PPARD: variants seen among roughly 807,000 people sequenced by gnomAD.
The protein encoded by PPARD is peroxisome proliferator activated receptor delta.
PPARD carries 6 observed loss-of-function variants against 39.5 expected under a neutral mutation model. That is an observed-to-expected ratio of 0.15 (90% CI 0.08 to 0.30). The LOEUF is 0.30. Among genes scored for constraint, PPARD ranks in the 10% least tolerant of loss-of-function variants. The probability of loss-of-function intolerance (pLI) is 1.00; values close to 1 mark genes in which losing one functional copy is unlikely to be tolerated. For synonymous variants in PPARD, 210 were observed against 231.3 expected, an observed-to-expected ratio of 0.91 and a Z score of 0.83; for missense variants, 397 against 596.8, an observed-to-expected ratio of 0.67 and a Z score of 3.49.
chr6:35,391,074 T>C (rs973153095), intron 2 of PPARD, among the ~76,000 whole-genome samples: 1 of 152,166 alleles, frequency 6.6e-6, no homozygotes, highest in African/African-American at 2.4e-5. Context: ...TTATTGTTAT[T>C]ATGGACAAAT....
intron 2 of PPARD, among the ~76,000 whole-genome samples, chr6:35,353,541 T>C (rs1044132102): frequency 6.6e-6 from 1 of 152,156 alleles, no homozygotes; most frequent in Non-Finnish European, 1.5e-5. Flanking sequence ...AAGTTAAGCA[T>C]AAATTATTCA....
chr6:35,398,820 T>C (rs1337567631), intron 2 of PPARD, among the ~76,000 whole-genome samples: 1 of 152,154 alleles, frequency 6.6e-6, no homozygotes, highest in East Asian at 1.9e-4. Flanking sequence ...AGTTTCAAAG[T>C]ACAGTGACAT....
chr6:35,386,502 A>G (rs866587490), intron 2 of PPARD, among the ~76,000 whole-genome samples: 1 of 151,912 alleles, frequency 6.6e-6, no homozygotes, highest in Non-Finnish European at 1.5e-5. Flanking sequence ...AAAACAAACA[A>G]ACAAACAAAT....
chr6:35,361,216 T>G (rs757074298), intron 2 of PPARD, among the ~76,000 whole-genome samples: 1 of 152,140 alleles, frequency 6.6e-6, no homozygotes, highest in Non-Finnish European at 1.5e-5. Flanking sequence ...ACCCTCCACC[T>G]CTGGGGATTA....
intron 2 of PPARD, among the ~76,000 whole-genome samples, chr6:35,406,037 G>A (rs1249697456): frequency 6.6e-6 from 1 of 151,800 alleles, no homozygotes; most frequent in Non-Finnish European, 1.5e-5. Context: ...AGTGATTCTC[G>A]TGCCTCAGCC....
At chr6:35,364,230 G>T (rs1762067709) in intron 2 of PPARD, among the ~76,000 whole-genome samples, 1 of 151,988 alleles carries the variant, frequency 6.6e-6, no homozygotes, top group African/African-American at 2.4e-5. Context: ...TAATAGTACT[G>T]TATTCCTTTT....
chr6:35,396,691 G>T (rs1022285998), intron 2 of PPARD, among the ~76,000 whole-genome samples: 1 of 151,820 alleles, frequency 6.6e-6, no homozygotes, highest in Admixed American at 6.6e-5. Context: ...TTAGCTGGGC[G>T]TGGTAGCATG....
Position 35,345,357 on chromosome 6 carries a change from T to G in PPARD, c.-185-1710T>G, listed in dbSNP as rs193119538. Among the ~76,000 whole-genome samples, 3 of 151,924 alleles carry G rather than the reference T, an allele frequency of 2.0e-5. No homozygotes were observed. The East Asian group carries it at 5.8e-4, about 30-fold the overall frequency. On this transcript the variant is annotated intron_variant, in intron 1 of 7. Coordinates refer to ENST00000360694, the MANE Select transcript of PPARD (RefSeq NM_006238.5). Reference sequence around the variant, plus strand: ...CTGGAGTGCAGTGGTGCTATCATAGTGCACTGTAACCTCGAACTCCTGGGC... The same window carrying G: ...CTGGAGTGCAGTGGTGCTATCATAGGGCACTGTAACCTCGAACTCCTGGGC...
intron 1 of PPARD, among the ~76,000 whole-genome samples, chr6:35,343,957 C>G (rs1582253940): frequency 6.6e-6 from 1 of 151,970 alleles, no homozygotes; most frequent in East Asian, 1.9e-4. Context: ...GGTCCTCAAC[C>G]TTTTTTCTGT....
intron 2 of PPARD, among the ~76,000 whole-genome samples, chr6:35,367,432 C>G (rs965442361): frequency 6.6e-6 from 1 of 152,124 alleles, no homozygotes; most frequent in African/African-American, 2.4e-5. Context: ...TTTCACAGCC[C>G]GTTCACTTCT....
Position 35,375,209 on chromosome 6 carries a change from G to GTTTTT in PPARD, c.-102+28080_-102+28084dup, listed in dbSNP as rs558275286. On this transcript the variant is annotated intron_variant, in intron 2 of 7. Transcript: ENST00000360694. ...TTTTTGCCTATTTTTCTCCTTCCGA[G>GTTTTT]TTTTTTTTTTTTTTTTTTTTTTTTT... is the stretch of plus-strand genomic sequence containing the variant. Among the ~76,000 whole-genome samples the GTTTTT allele has an allele frequency of 1.6e-3, 92 of 59,244 alleles. 4 individuals are homozygous for GTTTTT. Among genetic ancestry groups the GTTTTT allele is most frequent in the Non-Finnish European group, 1.8e-3 (61 of 33,740 alleles). The allele number at this position is 59,244 out of a possible 152,430, so 38.9% of individuals were successfully genotyped here.
chr6:35,417,665 G>A (rs1765867678), intron 3 of PPARD, among the ~76,000 whole-genome samples: 1 of 152,050 alleles, frequency 6.6e-6, no homozygotes, highest in Non-Finnish European at 1.5e-5. Flanking sequence ...CCGAGTAGCT[G>A]GGACTACAGG....
intron 3 of PPARD, among the ~76,000 whole-genome samples, chr6:35,414,367 C>T (rs910126464): frequency 1.3e-5 from 2 of 151,522 alleles, no homozygotes; most frequent in Non-Finnish European, 2.9e-5. Context: ...GCATACCCTT[C>T]TGTGTTTTTC....
At chr6:35,386,668 C>T (rs1763681064) in intron 2 of PPARD, among the ~76,000 whole-genome samples, 2 of 152,048 alleles carry the variant, frequency 1.3e-5, no homozygotes, top group Non-Finnish European at 2.9e-5. Context: ...CACTGTTGGC[C>T]TGGCAGTGGG....
intron 2 of PPARD, among the ~76,000 whole-genome samples, chr6:35,347,611 T>G (rs1760946990): frequency 6.6e-6 from 1 of 151,940 alleles, no homozygotes; most frequent in Admixed American, 6.6e-5. Context: ...ATATTTTGTT[T>G]GTTTGTTTGT....
chr6:35,350,455 T>G (rs1019171699), intron 2 of PPARD, among the ~76,000 whole-genome samples: 2 of 152,156 alleles, frequency 1.3e-5, no homozygotes, highest in African/African-American at 4.8e-5. Flanking sequence ...CTAGTTTCAT[T>G]CATCTCCATA....
intron 2 of PPARD, among the ~76,000 whole-genome samples, chr6:35,398,476 T>C (rs899789159): frequency 5.9e-5 from 9 of 152,290 alleles, no homozygotes; most frequent in Middle Eastern, 6.8e-3. Flanking sequence ...TGTGCTGCCA[T>C]TGGACATCCG....
At chr6:35,362,909 G>T (rs1762002731) in intron 2 of PPARD, among the ~76,000 whole-genome samples, 1 of 152,208 alleles carries the variant, frequency 6.6e-6, no homozygotes, top group Admixed American at 6.5e-5. Context: ...TCACCTGGCA[G>T]TGCCCAGCCC....
intron 2 of PPARD, among the ~76,000 whole-genome samples, chr6:35,404,745 C>G (rs1764920304): frequency 6.6e-6 from 1 of 152,204 alleles, no homozygotes; most frequent in Admixed American, 6.5e-5. Flanking sequence ...CTTAGTTGCT[C>G]TGGCCCCAGA....
Sources: gnomAD v4.1 joint callset for allele counts (sites outside exome capture counted in the v4.1 genomes callset) on GRCh38, gnomAD v4.1.1 for gene constraint, MANE v1.5 for transcripts, NCBI Gene and HGNC (gene_info 2026-07-23, HGNC 2026-07-21) for gene names.